The following METTL15 variants were observed in gnomAD, a reference collection of about 807,000 sequenced individuals.
METTL15 encodes the protein 12S rRNA N(4)-cytidine methyltransferase METTL15.
Under a neutral mutation model 38.3 loss-of-function variants are expected in METTL15, and 34 were observed. The observed-to-expected ratio is 0.89, with a 90% CI of 0.68 to 1.18. The LOEUF (loss-of-function observed/expected upper bound fraction) is 1.18, where lower values mean the gene tolerates loss of function less well. Ranked by LOEUF, METTL15 falls within the 50% of genes most tolerant of loss-of-function variation. METTL15 has a pLI of 0.00. For synonymous variants in METTL15, 162 were observed against 170.9 expected, an observed-to-expected ratio of 0.95 and a Z score of 0.41; for missense variants, 438 against 498.4, an observed-to-expected ratio of 0.88 and a Z score of 1.15.
intron 6 of METTL15, among the ~76,000 whole-genome samples, chr11:28,304,184 A>G (rs1193631366): frequency 6.6e-6 from 1 of 152,114 alleles, no homozygotes; most frequent in East Asian, 1.9e-4. Context: ...CCTGTCCATA[A>G]CCAAACAGTG....
intron 4 of METTL15, among the ~76,000 whole-genome samples, chr11:28,257,558 T>A (rs1855022552): frequency 1.3e-5 from 2 of 152,240 alleles, no homozygotes; most frequent in African/African-American, 4.8e-5. Flanking sequence ...ATCTACATCC[T>A]GTAGGCATGC....
intron 6 of METTL15, among the ~76,000 whole-genome samples, chr11:28,456,627 A>G (rs1403515738): frequency 3.3e-5 from 5 of 151,964 alleles, no homozygotes; most frequent in Admixed American, 6.6e-5. Context: ...TTTTTAATAG[A>G]GACGGGGCTT....
chr11:28,296,196 G>A (rs540964894), intron 5 of METTL15, among the ~76,000 whole-genome samples: 19 of 152,182 alleles, frequency 1.2e-4, no homozygotes, highest in African/African-American at 4.3e-4. Context: ...TGAATAATAT[G>A]TATCATTGCC....
At chr11:28,526,042 G>A (rs12146427) in intron 6 of METTL15, among the ~76,000 whole-genome samples, 13,510 of 152,322 alleles carry the variant, frequency 0.089, 869 homozygotes, top group Non-Finnish European at 0.13. Context: ...CTGCTGGCCC[G>A]GGTGCTAAGC....
At chr11:28,202,492 CCCT>C (rs1852154903) in intron 3 of METTL15, among the ~76,000 whole-genome samples, 1 of 151,684 alleles carries the variant, frequency 6.6e-6, no homozygotes, top group South Asian at 2.1e-4. Flanking sequence ...TGTCTAAAGT[CCCT>C]CACAAGACTG....
At chr11:28,127,864 T>C (rs1852562230) in intron 3 of METTL15, among the ~76,000 whole-genome samples, 1 of 152,148 alleles carries the variant, frequency 6.6e-6, no homozygotes, top group Non-Finnish European at 1.5e-5. Flanking sequence ...TTTGCCAGCT[T>C]AGTAACCATG....
intron 4 of METTL15, among the ~76,000 whole-genome samples, chr11:28,230,938 T>A (rs1853660436): frequency 2.0e-5 from 3 of 151,910 alleles, no homozygotes; most frequent in Admixed American, 2.0e-4. Context: ...TACCACAAGA[T>A]AAAGCTCATT....
chr11:28,502,125 G>T (rs367641590), intron 6 of METTL15, among the ~76,000 whole-genome samples: 1 of 149,186 alleles, frequency 6.7e-6, no homozygotes, highest in East Asian at 2.0e-4. Context: ...GAAAAAAAAA[G>T]CTCTTCCACA....
chr11:28,498,007 T>C (rs2133487076), intron 6 of METTL15, among the ~76,000 whole-genome samples: 1 of 148,564 alleles, frequency 6.7e-6, no homozygotes, highest in South Asian at 2.2e-4. Context: ...TGAGCCAAAA[T>C]TGCACCACTG....
intron 4 of METTL15, among the ~76,000 whole-genome samples, chr11:28,225,183 T>TA (rs1299143643): frequency 6.6e-6 from 1 of 151,914 alleles, no homozygotes; most frequent in Non-Finnish European, 1.5e-5. Context: ...TGTCTACTCT[T>TA]ATGATAACTA....
intron 5 of METTL15, among the ~76,000 whole-genome samples, chr11:28,402,618 T>A (rs1031913691): frequency 2.0e-5 from 3 of 152,014 alleles, no homozygotes; most frequent in Admixed American, 6.6e-5. Flanking sequence ...GAGCCACATT[T>A]AAATACTTAA....
At chr11:28,375,878 G>T (rs1346406547) in intron 5 of METTL15, among the ~76,000 whole-genome samples, 1 of 151,320 alleles carries the variant, frequency 6.6e-6, no homozygotes, top group Non-Finnish European at 1.5e-5. Context: ...CTTTGTTCTC[G>T]TTGGTTTCAA....
intron 6 of METTL15, among the ~76,000 whole-genome samples, chr11:28,476,226 A>G (rs1321007853): frequency 1.3e-5 from 2 of 152,108 alleles, no homozygotes; most frequent in Non-Finnish European, 1.5e-5. Flanking sequence ...CCCTCTTCAC[A>G]CTGTCTGAGA....
chr11:28,470,903 A>C (rs1431098052), intron 6 of METTL15, among the ~76,000 whole-genome samples: 1 of 152,056 alleles, frequency 6.6e-6, no homozygotes, highest in Non-Finnish European at 1.5e-5. Context: ...ATTTCTTCTT[A>C]TTATCTACTT....
intron 4 of METTL15, among the ~76,000 whole-genome samples, chr11:28,259,516 T>C (rs747395597): frequency 4.6e-5 from 7 of 152,210 alleles, no homozygotes; most frequent in Non-Finnish European, 8.8e-5. Context: ...CAGAGCTCTT[T>C]ATCCGTTGGT....
At chr11:28,524,177 C>G (rs1851790145) in intron 6 of METTL15, among the ~76,000 whole-genome samples, 1 of 152,124 alleles carries the variant, frequency 6.6e-6, no homozygotes, top group African/African-American at 2.4e-5. Flanking sequence ...GCCAGACAGT[C>G]AGAGAATACC....
chr11:28,462,526 T>G (rs574320891), intron 6 of METTL15, among the ~76,000 whole-genome samples: 1 of 150,796 alleles, frequency 6.6e-6, no homozygotes, highest in Admixed American at 6.6e-5. Flanking sequence ...ACACAGAATT[T>G]ATTGTAAGAA....
At chr11:28,207,553 T>C (rs959966173) in intron 3 of METTL15, among the ~76,000 whole-genome samples, 1 of 152,108 alleles carries the variant, frequency 6.6e-6, no homozygotes, top group Admixed American at 6.5e-5. Context: ...TCATCAAGGA[T>C]ATTGGTCTAA....
At chr11:28,360,661 CT>C (rs914231925) in intron 4 of METTL15, among the ~76,000 whole-genome samples, 19 of 151,122 alleles carry the variant, frequency 1.3e-4, no homozygotes, top group Admixed American at 2.6e-4. Flanking sequence ...GTCTCTCTCT[CT>C]TTTTTTTTAT....
Sources: allele counts gnomAD v4.1 joint callset (sites outside exome capture counted in the v4.1 genomes callset), GRCh38; gene constraint gnomAD v4.1.1; transcripts MANE v1.5; gene names NCBI Gene and HGNC (gene_info 2026-07-23, HGNC 2026-07-21).